FHOD3: variants seen among roughly 807,000 people sequenced by gnomAD.
The protein encoded by FHOD3 is FH1/FH2 domain-containing protein 3.
Under a neutral mutation model 173.0 loss-of-function variants are expected in FHOD3, and 90 were observed. That is an observed-to-expected ratio of 0.52 (90% confidence interval 0.44 to 0.62). FHOD3 has a LOEUF of 0.62. Ranked by LOEUF, FHOD3 falls within the 20% of genes least tolerant of loss-of-function variation. FHOD3 has a pLI of 0.00. For missense variants in FHOD3, 1,945 were observed against 2,034.7 expected (o/e 0.96, Z 0.85); for synonymous variants, 828 against 823.0 (o/e 1.01, Z -0.10).
At chr18:36,577,255 G>C (rs1295066531) in intron 6 of FHOD3, among the ~76,000 whole-genome samples, 2 of 152,082 alleles carry the variant, frequency 1.3e-5, no homozygotes, top group Non-Finnish European at 2.9e-5. Context: ...AATTATAAAA[G>C]TAATCAATGT....
intron 23 of FHOD3, among the ~76,000 whole-genome samples, chr18:36,746,423 G>A (rs2150108283): frequency 6.6e-6 from 1 of 152,270 alleles, no homozygotes; most frequent in South Asian, 2.1e-4. Context: ...CATGAGTGTT[G>A]GTGGAATGAG....
chr18:36,664,777 TGA>T (rs373836211), intron 14 of FHOD3, among the ~76,000 whole-genome samples: 14,485 of 129,526 alleles, frequency 0.11, 677 homozygotes, highest in South Asian at 0.22. Flanking sequence ...TGTGTGTATG[TGA>T]GAGAGAGAGA....
At chr18:36,671,861 A>G (rs1207859099) in intron 14 of FHOD3, among the ~76,000 whole-genome samples, 2 of 152,228 alleles carry the variant, frequency 1.3e-5, no homozygotes, top group African/African-American at 4.8e-5. Context: ...CGTGCCAGAA[A>G]CAATGTTCAT....
rs762840155 is a variant in FHOD3, at chr18:36,658,197, G to A, written c.1835+9G>A. Reference sequence around the variant, plus strand: ...GAGGCCAGGTTGGAAAGGTGAGTTCGACAAGCACGCTGATAGCTTCACAGT... The same window carrying A: ...GAGGCCAGGTTGGAAAGGTGAGTTCAACAAGCACGCTGATAGCTTCACAGT... On this transcript the variant is annotated intron_variant, in intron 14 of 28. Transcript: ENST00000590592. 2.8e-5 allele frequency: 43 copies of A among 1,562,740 alleles called. No individual in the cohort carries two copies. The East Asian group carries it at 7.8e-4, about 28-fold the overall frequency.
chr18:36,537,157 C>G (rs879823419), intron 5 of FHOD3, among the ~76,000 whole-genome samples: 15 of 152,308 alleles, frequency 9.8e-5, no homozygotes, highest in Middle Eastern at 3.4e-3. Context: ...TGTCTCCACT[C>G]CAAACAGGAC....
Position 36,740,730 on chromosome 18 carries a change from C to T in FHOD3, c.3651C>T (p.Ile1217=). 5 of 1,613,958 alleles carry T rather than the reference C, an allele frequency of 3.1e-6. No homozygotes were observed. The highest frequency in any genetic ancestry group is 4.2e-6 in the Non-Finnish European group (5 of 1,179,976). ...IQEAQLANPE[I]PLGSAEQFLL... is the part of the protein sequence containing the mutation. ...AAGCTCAGCTGGCCAACCCTGAAAT[C>T]CCCCTGGGCAGTGCAGAGCAGTTCC... Residue 1217 remains isoleucine (I), a synonymous_variant, in exon 21 of 29, where the codon ATC becomes ATT. Coordinates refer to ENST00000590592, the MANE Select transcript of FHOD3 (RefSeq NM_001281740.3).
At chr18:36,363,989 A>G (rs1350622806) in intron 2 of FHOD3, among the ~76,000 whole-genome samples, 1 of 152,176 alleles carries the variant, frequency 6.6e-6, no homozygotes, top group Non-Finnish European at 1.5e-5. Flanking sequence ...GTGGATAATT[A>G]TACAGTTTCA....
chr18:36,650,099 C>T (rs1334194644), intron 11 of FHOD3, among the ~76,000 whole-genome samples: 2 of 152,126 alleles, frequency 1.3e-5, no homozygotes, highest in African/African-American at 4.8e-5. Context: ...CTGTATAAAA[C>T]AGTAAAAATT....
At chr18:36,389,236 C>T (rs1025874712) in intron 3 of FHOD3, among the ~76,000 whole-genome samples, 1 of 152,050 alleles carries the variant, frequency 6.6e-6, no homozygotes. Flanking sequence ...GGCAGGCAGC[C>T]TGCAAGTACA....
At chr18:36,723,924 A>G (rs902968481) in intron 19 of FHOD3, among the ~76,000 whole-genome samples, 11 of 152,210 alleles carry the variant, frequency 7.2e-5, no homozygotes, top group African/African-American at 1.9e-4. Flanking sequence ...CCTAACTGCA[A>G]CCTGAATCCT....
intron 3 of FHOD3, among the ~76,000 whole-genome samples, chr18:36,396,072 A>T (rs2048542012): frequency 6.6e-6 from 1 of 152,162 alleles, no homozygotes; most frequent in African/African-American, 2.4e-5. Flanking sequence ...CCAACATTTT[A>T]TGTCCTTGTT....
At chr18:36,696,549 T>C (rs1034872015) in intron 17 of FHOD3, among the ~76,000 whole-genome samples, 1 of 152,228 alleles carries the variant, frequency 6.6e-6, no homozygotes, top group East Asian at 1.9e-4. Context: ...TAATGATAAA[T>C]ACTGATAGCA....
chr18:36,365,167 G>C (rs1395510516), intron 2 of FHOD3, among the ~76,000 whole-genome samples: 1 of 152,184 alleles, frequency 6.6e-6, no homozygotes, highest in Admixed American at 6.5e-5. Flanking sequence ...ACAGGAGCAA[G>C]TCTCCATGAC....
intron 3 of FHOD3, among the ~76,000 whole-genome samples, chr18:36,468,997 G>T (rs1260012871): frequency 2.0e-5 from 3 of 152,170 alleles, no homozygotes; most frequent in Admixed American, 6.5e-5. Context: ...GCAAACACTT[G>T]TGTCAGTTTC....
At chr18:36,647,208 T>C (rs1434876561) in intron 10 of FHOD3, among the ~76,000 whole-genome samples, 1 of 152,196 alleles carries the variant, frequency 6.6e-6, no homozygotes, top group Non-Finnish European at 1.5e-5. Context: ...GCCACTGCAC[T>C]CCAGCCTGGG....
chr18:36,465,423 G>A (rs1330774144), intron 3 of FHOD3, among the ~76,000 whole-genome samples: 1 of 152,182 alleles, frequency 6.6e-6, no homozygotes, highest in Non-Finnish European at 1.5e-5. Flanking sequence ...AATGACCTGG[G>A]CCTGGACTGG....
At chr18:36,619,194 C>T (rs768081356) in intron 9 of FHOD3, among the ~76,000 whole-genome samples, 1 of 152,100 alleles carries the variant, frequency 6.6e-6, no homozygotes, top group Non-Finnish European at 1.5e-5. Flanking sequence ...CTGTACCTGC[C>T]CCCAAAGAAC....
chr18:36,531,334 A>G (rs1446303803), intron 5 of FHOD3, among the ~76,000 whole-genome samples: 1 of 152,054 alleles, frequency 6.6e-6, no homozygotes, highest in East Asian at 1.9e-4. Context: ...CTCCCGAGGG[A>G]TGCTCTTCTT....
chr18:36,594,912 G>T lies in FHOD3; in HGVS notation c.718+14G>T, dbSNP rs1489425576. ...ACACGAAAAGAGGTGAGTAGTCCCT[G>T]CCCCCTTATGTCATGAAGGTGAAGG... On this transcript the variant is annotated intron_variant, in intron 7 of 28. Transcript: ENST00000590592. The T allele has an allele frequency of 6.4e-7, 1 of 1,554,194 alleles. No individual in the cohort carries two copies. The highest frequency in any genetic ancestry group is 8.9e-7 in the Non-Finnish European group (1 of 1,128,256).
Sources: gnomAD v4.1 joint callset for allele counts (sites outside exome capture counted in the v4.1 genomes callset) on GRCh38, gnomAD v4.1.1 for gene constraint, MANE v1.5 for transcripts, NCBI Gene and HGNC (gene_info 2026-07-23, HGNC 2026-07-21) for gene names.